Variants in SH2D4B observed in about 807,000 individuals in gnomAD.
SH2D4B encodes the protein SH2 domain-containing protein 4B.
Under a neutral mutation model 61.5 loss-of-function variants are expected in SH2D4B, and 45 were observed. The ratio of observed to expected loss-of-function variants is 0.73; its 90% CI spans 0.58 to 0.94. The LOEUF (loss-of-function observed/expected upper bound fraction) is 0.94, where lower values mean the gene tolerates loss of function less well. Among genes scored for constraint, SH2D4B ranks in the 40% least tolerant of loss-of-function variants. SH2D4B has a pLI of 0.00. For missense variants in SH2D4B, 572 were observed against 574.2 expected (o/e 1.00, Z 0.04); for synonymous variants, 224 against 220.4 (o/e 1.02, Z -0.14).
Position 80,603,522 on chromosome 10 carries a change from C to T in SH2D4B, c.644-57C>T, listed in dbSNP as rs747539761. 609 of 1,413,714 alleles carry T rather than the reference C, an allele frequency of 4.3e-4. 11 individuals are homozygous for T. Among genetic ancestry groups the T allele is most frequent in the Middle Eastern group, 2.0e-3 (8 of 3,968 alleles). The allele number at this position is 1,413,714 out of a possible 1,614,324, so 87.6% of individuals were successfully genotyped here. ...ACCAAATACTTCCTGTCCCAGCTGG[C>T]GCAGTGCACCGCCTGGGCTGCGGAT... is the stretch of plus-strand genomic sequence containing the variant. On this transcript the variant is annotated intron_variant, in intron 4 of 7. Coordinates refer to ENST00000646907, the MANE Select transcript of SH2D4B (RefSeq NM_001388272.1).
chr10:80,601,376 G>A lies in SH2D4B; in HGVS notation c.644-2203G>A, dbSNP rs78202727. 4.2e-3 allele frequency among the ~76,000 whole-genome samples: 639 copies of A among 152,310 alleles called. 3 individuals are homozygous for A. The highest frequency in any genetic ancestry group is 8.1e-3 in the Non-Finnish European group (551 of 68,032). On this transcript the variant is annotated intron_variant, in intron 4 of 7. Coordinates refer to ENST00000646907, the MANE Select transcript of SH2D4B (RefSeq NM_001388272.1). ...GCTCACTACTTTCTTCATTATGCTA[G>A]AGATATTTGTTGGTCTTATTTTCTC...
rs1380503240 is a variant in SH2D4B, at chr10:80,539,116, G to A, written c.184+601G>A. ...CCAAATGGTCGTAGCAACTGCAGAT[G>A]AGAAGCAAGGGCCTAGCCTACATTT... On this transcript the variant is annotated intron_variant, in intron 1 of 7. Coordinates refer to ENST00000646907, the MANE Select transcript of SH2D4B (RefSeq NM_001388272.1). The surrounding 1 kb of genome is among the most constrained non-coding windows in gnomAD (Gnocchi z 4.9). Among the ~76,000 whole-genome samples, 1 of 152,212 alleles carries A rather than the reference G, an allele frequency of 6.6e-6. No homozygotes were observed. The highest frequency in any genetic ancestry group is 6.5e-5 in the Admixed American group (1 of 15,282).
intron 7 of SH2D4B, 23 bp downstream of exon 7, chr10:80,634,528 TG>T (rs934662390): frequency 1.1e-4 from 168 of 1,544,554 alleles, no homozygotes; most frequent in Non-Finnish European, 1.3e-4. Context: ...GGGATACTAA[TG>T]GGGGGGAGGG....
chr10:80,562,764 C>G (rs1841915960), intron 1 of SH2D4B, among the ~76,000 whole-genome samples: 1 of 152,136 alleles, frequency 6.6e-6, no homozygotes, highest in African/African-American at 2.4e-5. Flanking sequence ...GCTCCCTTTT[C>G]TCAACATCCT....
intron 4 of SH2D4B, among the ~76,000 whole-genome samples, chr10:80,594,720 T>A (rs11186203): frequency 6.6e-6 from 1 of 152,210 alleles, no homozygotes; most frequent in Non-Finnish European, 1.5e-5. Context: ...GGCCTTTGGT[T>A]AATTTCTAAC....
At chr10:80,590,780 G>A (rs1842316011) in intron 4 of SH2D4B, among the ~76,000 whole-genome samples, 1 of 151,938 alleles carries the variant, frequency 6.6e-6, no homozygotes, top group South Asian at 2.1e-4. Flanking sequence ...GTGGTTTTTA[G>A]TATACTCAAA....
intron 1 of SH2D4B, among the ~76,000 whole-genome samples, chr10:80,545,800 A>G (rs537483636): frequency 1.3e-5 from 2 of 152,298 alleles, no homozygotes; most frequent in Admixed American, 6.5e-5. Context: ...TTTGAGTGAA[A>G]GGCTGTGTGC....
rs79172583 is a variant in SH2D4B at position 80,581,524 on chromosome 10, T to G, written c.496-7106T>G. On this transcript the variant is annotated intron_variant, in intron 3 of 7. Coordinates refer to ENST00000646907, the MANE Select transcript of SH2D4B (RefSeq NM_001388272.1). ...GGGTTAGACCCTACTCCAATATGAC[T>G]GCTGTCCTTATAAAAAGGGAGATTT... Among the ~76,000 whole-genome samples, 7 of 152,278 alleles carry G rather than the reference T, an allele frequency of 4.6e-5. No homozygotes were observed. In the East Asian group the frequency reaches 1.4e-3, roughly 29 times the overall value.
intron 6 of SH2D4B, among the ~76,000 whole-genome samples, chr10:80,619,523 T>G (rs917443310): frequency 6.6e-6 from 1 of 152,168 alleles, no homozygotes; most frequent in Non-Finnish European, 1.5e-5. Flanking sequence ...AGGCCCCCAA[T>G]CTAAATGCTG....
At chr10:80,617,834 T>C (rs6586111) in intron 6 of SH2D4B, among the ~76,000 whole-genome samples, 79,633 of 152,062 alleles carry the variant, frequency 0.52, 22,135 homozygotes, top group East Asian at 0.73. Context: ...CATGCCTGCA[T>C]TCTCCCAGGC....
chr10:80,562,710 C>T (rs1019495541), intron 1 of SH2D4B, among the ~76,000 whole-genome samples: 5 of 151,954 alleles, frequency 3.3e-5, no homozygotes, highest in African/African-American at 9.7e-5. Context: ...TACTATTTTC[C>T]GCAATAGCTG....
Position 80,603,709 on chromosome 10 carries a change from G to A in SH2D4B, c.774G>A (p.Glu258=). ...CTGGCCTCAGCTCCATGTTCCGGGA[G>A]CTTGGCCAGAGCCATGAGCAGGAGG... ...TVAGLSSMFR[E]LGQSHEQEAR... Residue 258 remains glutamate (E), a synonymous_variant, in exon 5 of 8, where the codon GAG becomes GAA. Transcript: ENST00000646907. 1 of 1,613,590 alleles carries A rather than the reference G, an allele frequency of 6.2e-7. No individual in the cohort carries two copies. The highest frequency in any genetic ancestry group is 8.5e-7 in the Non-Finnish European group (1 of 1,179,916).
chr10:80,609,414 T>C lies in SH2D4B; in HGVS notation c.861-10T>C. Reference sequence around the variant, plus strand: ...GACTCTTCTGCCCTCCCCACTTTCTTTCTCTTCAGCAGGACCTGGGAGCGC... The same window carrying C: ...GACTCTTCTGCCCTCCCCACTTTCTCTCTCTTCAGCAGGACCTGGGAGCGC... On this transcript the variant is annotated splice_polypyrimidine_tract_variant and intron_variant, in intron 5 of 7. Coordinates refer to ENST00000646907, the MANE Select transcript of SH2D4B (RefSeq NM_001388272.1). The C allele has an allele frequency of 6.2e-7, 1 of 1,611,544 alleles. No individual in the cohort carries two copies. Among genetic ancestry groups the C allele is most frequent in the Non-Finnish European group, 8.5e-7 (1 of 1,178,234 alleles).
chr10:80,587,524 C>T (rs2132129358), intron 3 of SH2D4B, among the ~76,000 whole-genome samples: 1 of 152,176 alleles, frequency 6.6e-6, no homozygotes, highest in African/African-American at 2.4e-5. Flanking sequence ...GGTGATCCGC[C>T]TGCCTTGGCC....
At chr10:80,599,867 G>A (rs1842430958) in intron 4 of SH2D4B, among the ~76,000 whole-genome samples, 1 of 152,114 alleles carries the variant, frequency 6.6e-6, no homozygotes, top group South Asian at 2.1e-4. Context: ...GGGGTCAGAG[G>A]CTTTTCCTGC....
chr10:80,542,396 A>G (rs202135785), intron 1 of SH2D4B, among the ~76,000 whole-genome samples: 1 of 113,640 alleles, frequency 8.8e-6, no homozygotes. Flanking sequence ...TGTCAGTTCT[A>G]TCTTTTTTTT....
Position 80,636,645 on chromosome 10 carries a change from G to C in SH2D4B, c.1209+2140G>C, listed in dbSNP as rs1430681822. On this transcript the variant is annotated intron_variant, in intron 7 of 7. Coordinates refer to ENST00000646907, the MANE Select transcript of SH2D4B (RefSeq NM_001388272.1). ...CCTTTGCCCAATTTTTGATGGGATT[G>C]TTTGTTTTTTTTCTTGTAAATTTGT... 8.6e-5 allele frequency among the ~76,000 whole-genome samples: 13 copies of C among 151,624 alleles called. No individual in the cohort carries two copies. The East Asian group carries it at 2.5e-3, about 29-fold the overall frequency.
chr10:80,636,853 A>G (rs1840184263), intron 7 of SH2D4B, among the ~76,000 whole-genome samples: 1 of 152,154 alleles, frequency 6.6e-6, no homozygotes, highest in African/African-American at 2.4e-5. Context: ...TTAGTCATGA[A>G]GTCCTTGCCC....
Position 80,609,474 on chromosome 10 carries a change from G to A in SH2D4B, c.911G>A (p.Arg304His), listed in dbSNP as rs778754816. ...CCAGTCTCCAGAGATGTCATCGTCC[G>A]CTGGTTTAAGGAGGAGCAGCTGCCT... ...LRPVSRDVIV[R>H]WFKEEQLPRR... The change falls in exon 6 of 8, where the codon CGC becomes CAC. Residue 304 changes from arginine to histidine, a missense_variant. Physicochemically the swap from Arg to His is conservative, Grantham distance 29 (BLOSUM62 0). Coordinates refer to ENST00000646907, the MANE Select transcript of SH2D4B (RefSeq NM_001388272.1). 20 of 1,614,044 alleles carry A rather than the reference G, an allele frequency of 1.2e-5. No individual in the cohort carries two copies. Among genetic ancestry groups the A allele is most frequent in the African/African-American group, 5.3e-5 (4 of 74,916 alleles).
Sources: allele counts gnomAD v4.1 joint callset (sites outside exome capture counted in the v4.1 genomes callset), GRCh38; gene constraint gnomAD v4.1.1; non-coding constraint Gnocchi (gnomAD v3.1); transcripts MANE v1.5; gene names NCBI Gene and HGNC (gene_info 2026-07-23, HGNC 2026-07-21).